Variants in TENT5D observed in about 807,000 individuals in gnomAD.
TENT5D encodes the protein terminal nucleotidyltransferase 5D, also known as cancer/testis antigen 112.
For missense variants in TENT5D, 191 were observed against 287.0 expected (o/e 0.67, Z 2.42); for synonymous variants, 103 against 100.6 (o/e 1.02, Z -0.15).
chrX:80,349,266 C>T (rs774531630), intron 3 of TENT5D, among the ~76,000 whole-genome samples: 28 of 111,443 alleles, frequency 2.5e-4, no homozygotes, highest in East Asian at 8.5e-4. Context: ...TGGTAGAATT[C>T]GGCTGTTATT....
rs1930399307 is a variant in TENT5D, at chrX:80,361,103, A to T, written c.-142+18539A>T. On this transcript the variant is annotated intron_variant, in intron 3 of 4. Coordinates refer to the TENT5D transcript ENST00000538312. ...TGATTTAAAGTTTGTTGTTTAAAAG[A>T]TGCTAACCCAAATATACCTCATCAC... 2.7e-5 allele frequency among the ~76,000 whole-genome samples: 3 copies of T among 111,978 alleles called. No homozygotes were observed. In the South Asian group the frequency reaches 1.1e-3, roughly 41 times the overall value.
At chrX:80,418,637 A>G (rs1457052669), upstream of TENT5D, among the ~76,000 whole-genome samples, 1 of 111,705 alleles carries the variant, frequency 9.0e-6, no homozygotes, top group Non-Finnish European at 1.9e-5. Context: ...TACTTGTACT[A>G]TCTTTGTTAT....
intron 1 of TENT5D, among the ~76,000 whole-genome samples, chrX:80,428,898 C>T (rs1932032202): frequency 8.9e-6 from 1 of 111,895 alleles, no homozygotes; most frequent in Non-Finnish European, 1.9e-5. Context: ...CTTTTAGTGC[C>T]TTCTAGAGAA....
intron 3 of TENT5D, among the ~76,000 whole-genome samples, chrX:80,346,829 TC>T (rs1930072435): frequency 9.1e-6 from 1 of 110,098 alleles, no homozygotes; most frequent in South Asian, 4.0e-4. Context: ...CCCTCCCCTT[TC>T]CCCCCAGCCC....
intron 3 of TENT5D, among the ~76,000 whole-genome samples, chrX:80,412,270 C>T (rs1931685038): frequency 8.9e-6 from 1 of 112,146 alleles, no homozygotes; most frequent in African/African-American, 3.2e-5. Context: ...CTGGACCTGG[C>T]CCACAAAACC....
chrX:80,396,888 T>C (rs1350575049), intron 3 of TENT5D, among the ~76,000 whole-genome samples: 4 of 85,011 alleles, frequency 4.7e-5, no homozygotes, highest in African/African-American at 1.3e-4. Flanking sequence ...ACGGGGTGGC[T>C]GGCCGGGCGG....
At chrX:80,415,272 A>G (rs773481461) in intron 3 of TENT5D, among the ~76,000 whole-genome samples, 1 of 111,266 alleles carries the variant, frequency 9.0e-6, no homozygotes, top group African/African-American at 3.3e-5. Context: ...TCCTATTTGG[A>G]TACCCTTTAT....
In TENT5D at chrX:80,387,299, C is replaced by T. The variant is rs1184801320; in HGVS notation, c.-142+44735C>T. Among the ~76,000 whole-genome samples, 5 of 111,821 alleles carry T rather than the reference C, an allele frequency of 4.5e-5. No homozygotes were observed. The Admixed American group carries it at 4.7e-4, about 11-fold the overall frequency. ...GTTGCTCTTGATGCTTGTAGATATC[C>T]CCCAATTTCTGGGCATTGCAGAGTT... is the stretch of plus-strand genomic sequence containing the variant. On this transcript the variant is annotated intron_variant, in intron 3 of 4. Coordinates refer to the TENT5D transcript ENST00000538312.
At chrX:80,344,097 G>A (rs1930015275) in intron 3 of TENT5D, among the ~76,000 whole-genome samples, 1 of 110,334 alleles carries the variant, frequency 9.1e-6, no homozygotes, top group South Asian at 4.0e-4. Flanking sequence ...ATGGCCTCAA[G>A]ATGCATCTAT....
chrX:80,411,335 CTT>C (rs1931661259), intron 3 of TENT5D, among the ~76,000 whole-genome samples: 1 of 111,969 alleles, frequency 8.9e-6, no homozygotes, highest in African/African-American at 3.2e-5. Flanking sequence ...TCTAGAAAGA[CTT>C]TTATAAATGA....
At chrX:80,429,666 C>A (rs1031044198) in intron 1 of TENT5D, among the ~76,000 whole-genome samples, 3 of 110,989 alleles carry the variant, frequency 2.7e-5, no homozygotes, top group Non-Finnish European at 3.8e-5. Context: ...TCTTGTGCTT[C>A]CCCTCTTTTT....
intron 2 of TENT5D, among the ~76,000 whole-genome samples, chrX:80,439,492 C>T (rs145471653): frequency 1.8e-5 from 2 of 109,802 alleles, no homozygotes; most frequent in African/African-American, 3.3e-5. Flanking sequence ...CTACTATATG[C>T]GGTTAAGTAT....
At chrX:80,386,320 A>G (rs936721108) in intron 3 of TENT5D, among the ~76,000 whole-genome samples, 5 of 110,915 alleles carry the variant, frequency 4.5e-5, no homozygotes, top group Non-Finnish European at 9.4e-5. Flanking sequence ...AACTATCACA[A>G]TGGCATGTTC....
In TENT5D at chrX:80,366,146, T is replaced by C. The variant is rs1350757034; in HGVS notation, c.-142+23582T>C. Reference sequence around the variant, plus strand: ...TTGACAGTATTGACAGTGTCATTATTTATAATATTAAATAGATCTCTCTAG... The same window carrying C: ...TTGACAGTATTGACAGTGTCATTATCTATAATATTAAATAGATCTCTCTAG... On this transcript the variant is annotated intron_variant, in intron 3 of 4. Coordinates refer to the TENT5D transcript ENST00000538312. Among the ~76,000 whole-genome samples, 37 of 109,425 alleles carry C rather than the reference T, an allele frequency of 3.4e-4. No individual in the cohort carries two copies. The Admixed American group carries it at 3.7e-3, about 11-fold the overall frequency.
At chrX:80,348,748 G>A (rs1410073982) in intron 3 of TENT5D, among the ~76,000 whole-genome samples, 1 of 111,782 alleles carries the variant, frequency 8.9e-6, no homozygotes, top group African/African-American at 3.2e-5. Context: ...GGTTTTCAAA[G>A]TGAATGCTTC....
At chrX:80,388,681 G>T (rs1306460402) in intron 3 of TENT5D, among the ~76,000 whole-genome samples, 1 of 111,653 alleles carries the variant, frequency 9.0e-6, no homozygotes, top group African/African-American at 3.3e-5. Flanking sequence ...GTCTCTCCAA[G>T]AATTGCTAGT....
At chrX:80,383,851 A>T (rs1223267363) in intron 3 of TENT5D, among the ~76,000 whole-genome samples, 1 of 110,743 alleles carries the variant, frequency 9.0e-6, no homozygotes, top group East Asian at 2.9e-4. Flanking sequence ...GCGAGACTCC[A>T]TCTCAAAAAA....
chrX:80,358,580 T>A (rs748612753), intron 3 of TENT5D, among the ~76,000 whole-genome samples: 17 of 112,563 alleles, frequency 1.5e-4, no homozygotes, highest in South Asian at 1.1e-3. Flanking sequence ...GTTTATTTTT[T>A]ATTTTTTTGG....
chrX:80,437,163 A>G (rs965745900), intron 1 of TENT5D, among the ~76,000 whole-genome samples: 4 of 112,148 alleles, frequency 3.6e-5, no homozygotes, highest in Non-Finnish European at 5.6e-5. Context: ...TGAGCACCCA[A>G]CTAGTTAACT....
Sources: gnomAD v4.1 joint callset for allele counts (sites outside exome capture counted in the v4.1 genomes callset) on GRCh38, gnomAD v4.1.1 for gene constraint, MANE v1.5 for transcripts, NCBI Gene and HGNC (gene_info 2026-07-23, HGNC 2026-07-21) for gene names.